DLC1: variants seen among roughly 807,000 people sequenced by gnomAD.
DLC1 encodes rho GTPase-activating protein 7.
DLC1 carries 54 observed loss-of-function variants against 140.3 expected under a neutral mutation model. The observed-to-expected ratio is 0.38, with a 90% CI of 0.31 to 0.48. The LOEUF (loss-of-function observed/expected upper bound fraction) is 0.48. Ranked by LOEUF, DLC1 falls within the 20% of genes least tolerant of loss-of-function variation. The probability of loss-of-function intolerance (pLI) is 0.96; values close to 1 mark genes in which losing one functional copy is unlikely to be tolerated. For missense variants in DLC1, 2,536 were observed against 1,907.0 expected (o/e 1.33, Z -6.14); for synonymous variants, 986 against 728.1 (o/e 1.35, Z -5.70).
chr8:13,556,201 T>C lies in DLC1; in HGVS notation c.-126+48336A>G, dbSNP rs150029936. On this transcript the variant is annotated intron_variant, in intron 1 of 1. Transcript: ENST00000631382. The stretch of plus-strand genomic sequence containing the variant: ...TCTACACAAGGGATTTGCTTTATGA[T>C]GCAAATTCTGATTTCATAGATCTGG... Among the ~76,000 whole-genome samples, 87 of 152,280 alleles carry C rather than the reference T, an allele frequency of 5.7e-4. No individual in the cohort carries two copies. In the East Asian group the frequency reaches 0.015, roughly 25 times the overall value.
chr8:13,581,669 A>T (rs1175159143), intron 1 of DLC1, among the ~76,000 whole-genome samples: 1 of 152,200 alleles, frequency 6.6e-6, no homozygotes, highest in Non-Finnish European at 1.5e-5. Flanking sequence ...AATCCAGTCT[A>T]CATAATGAAG....
intron 5 of DLC1, 119 bp downstream of exon 5, chr8:13,305,150 C>G: frequency 7.1e-7 from 1 of 1,405,100 alleles, no homozygotes; most frequent in Non-Finnish European, 9.3e-7. Context: ...ATTTAAACAA[C>G]ATTTTCCCAT....
intron 4 of DLC1, among the ~76,000 whole-genome samples, chr8:13,321,375 T>G (rs931442772): frequency 6.6e-6 from 1 of 151,790 alleles, no homozygotes; most frequent in Non-Finnish European, 1.5e-5. Context: ...CCATCTCTAC[T>G]AAAAATGCAA....
At chr8:13,437,226 T>C (rs1289365091) in intron 2 of DLC1, among the ~76,000 whole-genome samples, 1 of 152,186 alleles carries the variant, frequency 6.6e-6, no homozygotes, top group Non-Finnish European at 1.5e-5. Flanking sequence ...AATGAAAACA[T>C]AAATCAAAGT....
intron 2 of DLC1, among the ~76,000 whole-genome samples, chr8:13,460,075 T>A (rs945709815): frequency 9.9e-5 from 15 of 152,142 alleles, no homozygotes; most frequent in Non-Finnish European, 1.2e-4. Context: ...AGGACTGGCA[T>A]CTAAGGCAGT....
chr8:13,223,619 G>A (rs1010118829), intron 5 of DLC1, among the ~76,000 whole-genome samples: 4 of 152,070 alleles, frequency 2.6e-5, no homozygotes, highest in African/African-American at 9.7e-5. Context: ...ACATTCCTTT[G>A]TACACATTTT....
intron 3 of DLC1, among the ~76,000 whole-genome samples, chr8:13,400,928 AAATAC>A (rs2117249725): frequency 6.6e-6 from 1 of 152,348 alleles, no homozygotes; most frequent in African/African-American, 2.4e-5. Context: ...ATGCATAATA[AAATAC>A]AATTCTCAGC....
In DLC1 at chr8:13,191,376, C is replaced by T. The variant is rs142720792; in HGVS notation, c.1349-75719G>A. Among the ~76,000 whole-genome samples the T allele has an allele frequency of 1.2e-3, 189 of 152,202 alleles. 1 individual carries two copies. The highest frequency in any genetic ancestry group is 1.9e-3 in the Non-Finnish European group (129 of 68,016). On this transcript the variant is annotated intron_variant, in intron 5 of 17. Transcript: ENST00000276297. Reference sequence around the variant, plus strand: ...ACAAAAATCAACCAGGCGTGGTGGCCTGGGCCTGTAATCCTAGCTACTTGG... The same window carrying T: ...ACAAAAATCAACCAGGCGTGGTGGCTTGGGCCTGTAATCCTAGCTACTTGG...
chr8:13,600,157 G>C (rs1311802354), intron 1 of DLC1, among the ~76,000 whole-genome samples: 1 of 151,934 alleles, frequency 6.6e-6, no homozygotes. Flanking sequence ...GGGCCCCAAA[G>C]TATGTAATTC....
intron 1 of DLC1, among the ~76,000 whole-genome samples, chr8:13,563,355 C>G (rs1352661186): frequency 1.3e-5 from 2 of 151,986 alleles, no homozygotes; most frequent in African/African-American, 2.4e-5. Flanking sequence ...TTAAAAAGGC[C>G]TAACTTGTAA....
intron 1 of DLC1, among the ~76,000 whole-genome samples, chr8:13,600,256 A>T (rs540105285): frequency 1.3e-5 from 2 of 152,036 alleles, no homozygotes; most frequent in South Asian, 4.1e-4. Flanking sequence ...TTAACTTATA[A>T]ATTATCCCAA....
intron 5 of DLC1, among the ~76,000 whole-genome samples, chr8:13,170,685 G>A (rs996168569): frequency 2.7e-5 from 4 of 146,398 alleles, no homozygotes; most frequent in Admixed American, 6.9e-5. Flanking sequence ...AGCCGAGATC[G>A]CGCCACTGCA....
At chr8:13,280,958 C>T (rs898207547) in intron 5 of DLC1, among the ~76,000 whole-genome samples, 13 of 152,196 alleles carry the variant, frequency 8.5e-5, no homozygotes, top group Admixed American at 8.5e-4. Flanking sequence ...CAGTGCCTAT[C>T]CCAGCATAAT....
At chr8:13,133,114 G>A in intron 5 of DLC1, 3 of 1,473,616 alleles carry the variant, frequency 2.0e-6, no homozygotes, top group Middle Eastern at 1.9e-4. Context: ...CTTGCTCGCC[G>A]CTCCCTGCCC....
At chr8:13,506,486 A>G (rs532631803) in intron 1 of DLC1, among the ~76,000 whole-genome samples, 47 of 150,426 alleles carry the variant, frequency 3.1e-4, no homozygotes, top group African/African-American at 1.1e-3. Context: ...TAGCCATCCC[A>G]TGTTAAATTT....
At chr8:13,538,538 C>T (rs1803374066) in intron 1 of DLC1, among the ~76,000 whole-genome samples, 1 of 152,166 alleles carries the variant, frequency 6.6e-6, no homozygotes, top group Admixed American at 6.5e-5. Flanking sequence ...TCTTTGGCTT[C>T]AGAATTTTTG....
intron 5 of DLC1, among the ~76,000 whole-genome samples, chr8:13,172,626 GA>G (rs1825548522): frequency 6.6e-6 from 1 of 152,210 alleles, no homozygotes; most frequent in African/African-American, 2.4e-5. Context: ...GCAGGATGGG[GA>G]TTTGAACTTG....
intron 2 of DLC1, among the ~76,000 whole-genome samples, chr8:13,429,614 A>G (rs1275888824): frequency 2.0e-5 from 3 of 152,232 alleles, no homozygotes; most frequent in East Asian, 1.9e-4. Context: ...GTTTTATCCT[A>G]TGTATCTTTT....
At chr8:13,484,269 A>G (rs1444348049) in intron 2 of DLC1, among the ~76,000 whole-genome samples, 2 of 152,218 alleles carry the variant, frequency 1.3e-5, no homozygotes, top group African/African-American at 4.8e-5. Context: ...TATTATGTTC[A>G]TTAGAATTGT....
Sources: gnomAD v4.1 joint callset for allele counts (sites outside exome capture counted in the v4.1 genomes callset) on GRCh38, gnomAD v4.1.1 for gene constraint, MANE v1.5 for transcripts, NCBI Gene and HGNC (gene_info 2026-07-23, HGNC 2026-07-21) for gene names.